The following GSG1L variants were observed in gnomAD, a reference collection of about 807,000 sequenced individuals.
GSG1L encodes the protein GSG1 like.
GSG1L carries 24 observed loss-of-function variants against 42.1 expected under a neutral mutation model. The ratio of observed to expected loss-of-function variants is 0.57; its 90% CI spans 0.41 to 0.80. The LOEUF is 0.80. Among genes scored for constraint, GSG1L ranks in the 30% least tolerant of loss-of-function variants. The probability of loss-of-function intolerance (pLI) is 0.00; values close to 1 mark genes in which losing one functional copy is unlikely to be tolerated. For synonymous variants in GSG1L, 215 were observed against 203.5 expected, an observed-to-expected ratio of 1.06 and a Z score of -0.48; for missense variants, 445 against 472.2, an observed-to-expected ratio of 0.94 and a Z score of 0.53.
intron 1 of GSG1L, among the ~76,000 whole-genome samples, chr16:28,052,683 G>A (rs1431310794): frequency 6.6e-6 from 1 of 152,214 alleles, no homozygotes; most frequent in African/African-American, 2.4e-5. Flanking sequence ...TGTCACGGGA[G>A]TAAGAAGTCA....
At chr16:27,858,660 A>C (rs2140997603) in intron 3 of GSG1L, among the ~76,000 whole-genome samples, 1 of 152,332 alleles carries the variant, frequency 6.6e-6, no homozygotes, top group South Asian at 2.1e-4. Context: ...CCCATTTAAA[A>C]ATTCAGAATT....
intron 6 of GSG1L, among the ~76,000 whole-genome samples, chr16:27,799,176 G>A (rs2082853678): frequency 6.6e-6 from 1 of 151,970 alleles, no homozygotes; most frequent in Non-Finnish European, 1.5e-5. Flanking sequence ...GGCTGAAGCG[G>A]GAGGATTGCT....
intron 2 of GSG1L, among the ~76,000 whole-genome samples, chr16:27,912,278 C>T (rs2084400620): frequency 6.6e-6 from 1 of 152,164 alleles, no homozygotes; most frequent in Non-Finnish European, 1.5e-5. Context: ...CTTCAAGAGG[C>T]TGAGGCAGGA....
At chr16:28,029,496 G>A (rs1227934577) in intron 1 of GSG1L, among the ~76,000 whole-genome samples, 1 of 151,984 alleles carries the variant, frequency 6.6e-6, no homozygotes, top group Non-Finnish European at 1.5e-5. Context: ...TGGAAAAATG[G>A]ATGGCTGAAT....
intron 1 of GSG1L, among the ~76,000 whole-genome samples, chr16:27,999,315 T>C (rs892576471): frequency 1.3e-5 from 2 of 152,086 alleles, no homozygotes; most frequent in Non-Finnish European, 2.9e-5. Context: ...TGGTGGTGCA[T>C]GCCTGTAATG....
Position 28,054,119 on chromosome 16 carries a change from C to G in GSG1L, c.349+8957G>C, listed in dbSNP as rs1049028400. ...GTGTCTCCTGCCCTCCTCCTCCCCT[C>G]CTCCCCCGTGGCTATCTCTGATGCA... On this transcript the variant is annotated intron_variant, in intron 1 of 6. Coordinates refer to ENST00000447459, the MANE Select transcript of GSG1L (RefSeq NM_001109763.2). 8.5e-5 allele frequency among the ~76,000 whole-genome samples: 13 copies of G among 152,264 alleles called. No homozygotes were observed. The East Asian group carries it at 2.1e-3, about 25-fold the overall frequency.
At chr16:27,978,690 C>CAAAAA (rs11409403) in intron 1 of GSG1L, among the ~76,000 whole-genome samples, 1 of 90,124 alleles carries the variant, frequency 1.1e-5, no homozygotes, top group African/African-American at 4.2e-5. Flanking sequence ...GACTCCATCT[C>CAAAAA]AAAAAAAAAA....
rs77116000 is a variant in GSG1L at position 27,914,530 on chromosome 16, A to C, written c.398-29892T>G. Among the ~76,000 whole-genome samples the C allele has an allele frequency of 2.1e-5, 3 of 139,606 alleles. No homozygotes were observed. The East Asian group carries it at 6.2e-4, about 29-fold the overall frequency. The allele number at this position is 139,606 out of a possible 152,430, so 91.6% of individuals were successfully genotyped here. ...TCTTTTCCTTTTTCTTTTCTTTTCT[A>C]TTTTTTTTTTTTTGACAAGATCTCA... On this transcript the variant is annotated intron_variant, in intron 2 of 6. Transcript: ENST00000447459.
chr16:27,866,378 T>C (rs1169767618), intron 3 of GSG1L, among the ~76,000 whole-genome samples: 1 of 152,196 alleles, frequency 6.6e-6, no homozygotes, highest in African/African-American at 2.4e-5. Context: ...GCACTTTATA[T>C]GTGCTCACTC....
At chr16:28,018,685 C>G (rs1015114771) in intron 1 of GSG1L, among the ~76,000 whole-genome samples, 2 of 151,972 alleles carry the variant, frequency 1.3e-5, no homozygotes, top group Non-Finnish European at 2.9e-5. Context: ...ATGCCACCTT[C>G]CCCCCACCCC....
chr16:27,865,522 T>C (rs1329573102), intron 3 of GSG1L, among the ~76,000 whole-genome samples: 2 of 70,028 alleles, frequency 2.9e-5, no homozygotes, highest in Admixed American at 2.0e-4. Flanking sequence ...TCTCTCTCTT[T>C]CTATATATAT....
intron 1 of GSG1L, among the ~76,000 whole-genome samples, chr16:27,997,044 G>A (rs533055002): frequency 2.0e-5 from 3 of 152,162 alleles, no homozygotes; most frequent in South Asian, 2.1e-4. Context: ...TTCCAGGCAT[G>A]AGCCACCGCG....
chr16:27,808,481 C>T (rs980934561), intron 5 of GSG1L, among the ~76,000 whole-genome samples: 3 of 151,056 alleles, frequency 2.0e-5, no homozygotes, highest in African/African-American at 7.3e-5. Context: ...TGCAGTGGCA[C>T]GGTCTCGGCT....
intron 2 of GSG1L, among the ~76,000 whole-genome samples, chr16:27,899,992 G>A (rs1261647842): frequency 2.0e-5 from 3 of 152,170 alleles, no homozygotes; most frequent in Non-Finnish European, 4.4e-5. Flanking sequence ...TTGCCTCTCT[G>A]CACCTCCGTT....
intron 3 of GSG1L, chr16:27,863,269 T>C (rs2083676420): frequency 6.6e-6 from 1 of 152,244 alleles, no homozygotes; most frequent in Non-Finnish European, 1.5e-5. Flanking sequence ...TTCATCAGCA[T>C]ATACATTAAA....
intron 1 of GSG1L, among the ~76,000 whole-genome samples, chr16:27,967,301 A>AGAAG (rs1274537903): frequency 6.6e-6 from 1 of 152,194 alleles, no homozygotes; most frequent in Non-Finnish European, 1.5e-5. Flanking sequence ...GATGAGTCTG[A>AGAAG]GAAGGAAGGA....
intron 1 of GSG1L, among the ~76,000 whole-genome samples, chr16:28,048,248 A>G (rs1040468191): frequency 1.3e-5 from 2 of 152,074 alleles, no homozygotes; most frequent in African/African-American, 4.8e-5. Context: ...ATATAACAAT[A>G]TAAAGCCCTT....
chr16:27,981,733 G>A (rs555436391), intron 1 of GSG1L, among the ~76,000 whole-genome samples: 4 of 152,326 alleles, frequency 2.6e-5, no homozygotes, highest in East Asian at 3.9e-4. Context: ...CTGCTACACC[G>A]TGGCCTCCAG....
At chr16:27,831,936 C>T (rs576337536) in intron 4 of GSG1L, among the ~76,000 whole-genome samples, 10 of 152,258 alleles carry the variant, frequency 6.6e-5, no homozygotes, top group South Asian at 4.2e-4. Context: ...TCCCTGGACT[C>T]GCTGCTTTCC....
Sources: gnomAD v4.1 joint callset for allele counts (sites outside exome capture counted in the v4.1 genomes callset) on GRCh38, gnomAD v4.1.1 for gene constraint, MANE v1.5 for transcripts, NCBI Gene and HGNC (gene_info 2026-07-23, HGNC 2026-07-21) for gene names.